Variants in BCL11B observed in about 807,000 individuals in gnomAD.
The protein encoded by BCL11B is BCL11 transcription factor B.
Under a neutral mutation model 49.9 loss-of-function variants are expected in BCL11B, and 8 were observed. That is an observed-to-expected ratio of 0.16 (90% CI 0.09 to 0.29). The LOEUF (loss-of-function observed/expected upper bound fraction) is 0.29. Ranked by LOEUF, BCL11B falls within the 10% of genes least tolerant of loss-of-function variation. The pLI is 1.00. For missense variants in BCL11B, 1,006 were observed against 1,351.0 expected (o/e 0.74, Z 4.00); for synonymous variants, 739 against 637.4 (o/e 1.16, Z -2.40).
chr14:99,256,375 C>G (rs1407972195), intron 2 of BCL11B, among the ~76,000 whole-genome samples: 1 of 152,204 alleles, frequency 6.6e-6, no homozygotes, highest in Non-Finnish European at 1.5e-5. Flanking sequence ...ACCAGGCCTG[C>G]TGCTATTATC....
At chr14:99,236,968 G>A (rs922468817) in intron 2 of BCL11B, among the ~76,000 whole-genome samples, 1 of 152,066 alleles carries the variant, frequency 6.6e-6, no homozygotes, top group Non-Finnish European at 1.5e-5. Flanking sequence ...GAAAGAAGTG[G>A]AGTGCAACCT....
At chr14:99,243,918 T>TAAAA (rs200999902) in intron 2 of BCL11B, among the ~76,000 whole-genome samples, 4 of 128,168 alleles carry the variant, frequency 3.1e-5, no homozygotes, top group African/African-American at 1.1e-4. Flanking sequence ...ACATTGCTCC[T>TAAAA]AAAAAAAAAA....
chr14:99,245,033 A>G lies in BCL11B; in HGVS notation c.427+12438T>C, dbSNP rs1888785418. ...AGTGAAGGTAAACTTTTAATCGGCT[A>G]CAGGCGAACAGTATACAGTTTTATT... On this transcript the variant is annotated intron_variant, in intron 2 of 3. Transcript: ENST00000357195. Among the ~76,000 whole-genome samples, 4 of 152,364 alleles carry G rather than the reference A, an allele frequency of 2.6e-5. No individual in the cohort carries two copies. The South Asian group carries it at 6.2e-4, about 24-fold the overall frequency.
Position 99,232,478 on chromosome 14 carries a change from A to G in BCL11B, c.428-921T>C, listed in dbSNP as rs931636135. Among the ~76,000 whole-genome samples the G allele has an allele frequency of 1.3e-5, 2 of 152,250 alleles. No homozygotes were observed. The highest frequency in any genetic ancestry group is 4.8e-5 in the African/African-American group (2 of 41,478). ...GTAAATAATTGAGCAGGGAAGCATC[A>G]GAGAGACAAAAAGGAAACGTCAACA... is the stretch of plus-strand genomic sequence containing the variant. On this transcript the variant is annotated intron_variant, in intron 2 of 3. Transcript: ENST00000357195. The surrounding 1 kb of genome is among the most constrained non-coding windows in gnomAD (Gnocchi z 5.1).
At chr14:99,219,821 A>T (rs1234142647) in intron 3 of BCL11B, among the ~76,000 whole-genome samples, 2 of 152,094 alleles carry the variant, frequency 1.3e-5, no homozygotes, top group East Asian at 3.9e-4. Flanking sequence ...ATTAAAAAAA[A>T]AAAAGCTGTC....
At position 99,175,014 on chromosome 14, in the gene BCL11B, G is replaced by A. The variant is rs752462647; in HGVS notation, c.1822C>T (p.Pro608Ser). 1 of 1,592,496 alleles carries A rather than the reference G, an allele frequency of 6.3e-7. No individual in the cohort carries two copies. The highest frequency in any genetic ancestry group is 8.5e-7 in the Non-Finnish European group (1 of 1,175,316). ...TCGGCCAGGAGCTCGCCGTACTGCG[G>A]CAGTGCGCCTAGGCCCACGTTCTCC... is the stretch of plus-strand genomic sequence containing the variant. The part of the protein sequence containing the change: ...VMENVGLGAL[P>S]QYGELLADKQ... The change falls in exon 4 of 4, where the codon CCG (proline) becomes TCG (serine). Residue 608 changes from proline (P) to serine (S), a missense_variant. Pro to Ser is a moderately conservative substitution (Grantham distance 74). Transcript: ENST00000357195.
At chr14:99,222,083 T>C (rs1161426562) in intron 3 of BCL11B, among the ~76,000 whole-genome samples, 1 of 152,116 alleles carries the variant, frequency 6.6e-6, no homozygotes, top group Non-Finnish European at 1.5e-5. Context: ...TATCTCATGG[T>C]TTAGACTATT....
chr14:99,225,990 G>A (rs956829577), intron 3 of BCL11B, among the ~76,000 whole-genome samples: 6 of 152,234 alleles, frequency 3.9e-5, no homozygotes, highest in Non-Finnish European at 5.9e-5. Context: ...CAAGGCAGTC[G>A]GGCATGGACA....
intron 3 of BCL11B, among the ~76,000 whole-genome samples, chr14:99,198,470 A>C (rs2139812500): frequency 6.6e-6 from 1 of 152,210 alleles, no homozygotes; most frequent in African/African-American, 2.4e-5. Context: ...CATTATTTTC[A>C]ATTGCTGGGT....
chr14:99,180,053 G>A (rs1446593734), intron 3 of BCL11B, among the ~76,000 whole-genome samples: 1 of 152,124 alleles, frequency 6.6e-6, no homozygotes, highest in Non-Finnish European at 1.5e-5. Flanking sequence ...TCTGACTGGG[G>A]GCTGGCCCAC....
At position 99,271,772 on chromosome 14, in the gene BCL11B, A is replaced by G. The variant is rs992593777; in HGVS notation, c.-554T>C. ...ATAAAAAAATAAAAGAAGAAAAAGC[A>G]AAGGAAAAAAAAAAGCAAAGAAAAC... On this transcript the variant is annotated 5_prime_UTR_variant, in exon 1 of 4. Transcript: ENST00000357195. Among the ~76,000 whole-genome samples the G allele has an allele frequency of 6.6e-6, 1 of 152,048 alleles. No individual in the cohort carries two copies. The highest frequency in any genetic ancestry group is 6.5e-5 in the Admixed American group (1 of 15,280).
intron 3 of BCL11B, among the ~76,000 whole-genome samples, chr14:99,186,473 T>C (rs1281627262): frequency 6.6e-6 from 1 of 151,968 alleles, no homozygotes; most frequent in Non-Finnish European, 1.5e-5. Context: ...TGAGCCGAGG[T>C]CGCACCACTG....
At chr14:99,210,050 A>C (rs889515763) in intron 3 of BCL11B, among the ~76,000 whole-genome samples, 5 of 151,936 alleles carry the variant, frequency 3.3e-5, no homozygotes, top group African/African-American at 9.7e-5. Flanking sequence ...TCATGCCAGG[A>C]CAGAAATTAA....
At chr14:99,252,895 G>A (rs1326396957) in intron 2 of BCL11B, among the ~76,000 whole-genome samples, 1 of 152,246 alleles carries the variant, frequency 6.6e-6, no homozygotes, top group African/African-American at 2.4e-5. Context: ...ATTATATGGA[G>A]GAACCTGTAG....
chr14:99,182,361 G>A (rs954143529), intron 3 of BCL11B, among the ~76,000 whole-genome samples: 2 of 152,170 alleles, frequency 1.3e-5, no homozygotes, highest in African/African-American at 4.8e-5. Context: ...AGCTGCCCAC[G>A]GTAAAGCCTG....
At position 99,247,386 on chromosome 14, in the gene BCL11B, C is replaced by T. The variant is rs1164504043; in HGVS notation, c.427+10085G>A. On this transcript the variant is annotated intron_variant, in intron 2 of 3. Transcript: ENST00000357195. The surrounding 1 kb of genome is among the most constrained non-coding windows in gnomAD (Gnocchi z 4.5). ...TTAGTTTTGCTGGGTTTACCAACTCCAACAGTTTTTAGCCAGCTGCTGAAG... is the reference window on the plus strand; with the variant it reads ...TTAGTTTTGCTGGGTTTACCAACTCTAACAGTTTTTAGCCAGCTGCTGAAG... Among the ~76,000 whole-genome samples, 1 of 152,154 alleles carries T rather than the reference C, an allele frequency of 6.6e-6. No homozygotes were observed. Among genetic ancestry groups the T allele is most frequent in the Non-Finnish European group, 1.5e-5 (1 of 68,026 alleles).
At chr14:99,244,887 G>A (rs530633375) in intron 2 of BCL11B, among the ~76,000 whole-genome samples, 3 of 152,240 alleles carry the variant, frequency 2.0e-5, no homozygotes, top group Non-Finnish European at 2.9e-5. Context: ...ATAGGTATAC[G>A]CATATTTTTA....
rs1595265458 is a variant in BCL11B, at chr14:99,228,983, G to A, written c.640+2362C>T. ...GGATGCATGGATGGATGCATGGATG[G>A]ATGGATGGCTACATGGATGAATGGA... On this transcript the variant is annotated intron_variant, in intron 3 of 3. Coordinates refer to ENST00000357195, the MANE Select transcript of BCL11B (RefSeq NM_138576.4). The surrounding 1 kb of genome is among the most constrained non-coding windows in gnomAD (Gnocchi z 4.8). 1.3e-5 allele frequency among the ~76,000 whole-genome samples: 2 copies of A among 151,178 alleles called. No individual in the cohort carries two copies. Among genetic ancestry groups the A allele is most frequent in the African/African-American group, 4.9e-5 (2 of 41,078 alleles).
intron 3 of BCL11B, among the ~76,000 whole-genome samples, chr14:99,210,113 G>C (rs1010485494): frequency 6.6e-5 from 10 of 152,138 alleles, no homozygotes; most frequent in African/African-American, 1.9e-4. Flanking sequence ...CTACCTCTCA[G>C]CTTGAAGCAT....
Sources: allele counts gnomAD v4.1 joint callset (sites outside exome capture counted in the v4.1 genomes callset), GRCh38; gene constraint gnomAD v4.1.1; non-coding constraint Gnocchi (gnomAD v3.1); transcripts MANE v1.5; gene names NCBI Gene and HGNC (gene_info 2026-07-23, HGNC 2026-07-21).